SPATA6: variants seen among roughly 807,000 people sequenced by gnomAD.
SPATA6 encodes the protein spermatogenesis-associated protein 6.
A neutral mutation model predicts 65.3 loss-of-function variants in SPATA6; 56 were observed. The ratio of observed to expected loss-of-function variants is 0.86; its 90% CI spans 0.69 to 1.07. The LOEUF (loss-of-function observed/expected upper bound fraction) is 1.07. Ranked by LOEUF, SPATA6 falls within the 50% of genes least tolerant of loss-of-function variation. The pLI, the probability that SPATA6 is intolerant of heterozygous loss-of-function variation, is 0.00. For missense variants in SPATA6, 590 were observed against 594.8 expected, an observed-to-expected ratio of 0.99 and a Z score of 0.08; for synonymous variants, 199 against 213.2, an observed-to-expected ratio of 0.93 and a Z score of 0.58.
chr1:48,264,375 T>C, the SPATA6 span, among the ~76,000 whole-genome samples: 1 of 152,158 alleles, frequency 6.6e-6, no homozygotes, highest in East Asian at 1.9e-4. Context: ...TAAAAATCTT[T>C]TTTTGTTGTT....
intron 9 of SPATA6, among the ~76,000 whole-genome samples, chr1:48,385,098 G>T (rs1649319833): frequency 1.3e-5 from 2 of 151,912 alleles, no homozygotes; most frequent in Non-Finnish European, 2.9e-5. Flanking sequence ...TAATACAAAT[G>T]AATAACCAAA....
intron 12 of SPATA6, among the ~76,000 whole-genome samples, chr1:48,299,516 G>GAAAAA (rs58072004): frequency 0.38 from 14,368 of 37,994 alleles, 3,590 homozygotes; most frequent in Admixed American, 0.49. Context: ...CTCCGTCTCG[G>GAAAAA]AAAAAAAAAA....
chr1:48,435,273 T>C (rs1654797015), intron 3 of SPATA6, among the ~76,000 whole-genome samples: 1 of 152,140 alleles, frequency 6.6e-6, no homozygotes, highest in African/African-American at 2.4e-5. Context: ...AACTAAAGGA[T>C]TGTAAATGCA....
chr1:48,457,782 A>G (rs569833401), intron 1 of SPATA6, among the ~76,000 whole-genome samples: 3 of 152,204 alleles, frequency 2.0e-5, no homozygotes, highest in Non-Finnish European at 4.4e-5. Flanking sequence ...AGGATACTAG[A>G]CATAGGCTCA....
chr1:48,431,406 C>A (rs61417226), intron 3 of SPATA6, among the ~76,000 whole-genome samples: 4,007 of 152,100 alleles, frequency 0.026, 176 homozygotes, highest in African/African-American at 0.092. Flanking sequence ...AAAACACACA[C>A]ACAATAAACC....
rs146207578 is a variant in SPATA6, at chr1:48,441,050, G to C, written c.238+10502C>G. On this transcript the variant is annotated intron_variant, in intron 3 of 12. Transcript: ENST00000371847. ...TGGTTTGCAAGGACACCGTAAAAAA[G>C]ATTGTCCAACAAGAAACAAGCTGCC... 5.3e-5 allele frequency among the ~76,000 whole-genome samples: 8 copies of C among 152,274 alleles called. No homozygotes were observed. In the East Asian group the frequency reaches 1.5e-3, roughly 29 times the overall value.
intron 8 of SPATA6, 101 bp from the exon 9 acceptor site, chr1:48,385,450 T>A: frequency 1.0e-6 from 1 of 1,002,956 alleles, no homozygotes; most frequent in South Asian, 1.9e-5. Context: ...TCAGAATATT[T>A]CAGAGATACT....
At chr1:48,363,667 C>T (rs1454915867) in intron 9 of SPATA6, among the ~76,000 whole-genome samples, 1 of 151,036 alleles carries the variant, frequency 6.6e-6, no homozygotes, top group Non-Finnish European at 1.5e-5. Flanking sequence ...GCAATACTTT[C>T]AATATGGCAA....
intron 11 of SPATA6, among the ~76,000 whole-genome samples, chr1:48,311,561 CAAAAAAACTTAAATT>C (rs1337466507): frequency 1.8e-4 from 27 of 151,888 alleles, no homozygotes; most frequent in Non-Finnish European, 3.2e-4. Context: ...AATTAGTAAT[CAAAAAAACTTAAATT>C]AAAAAAACTT....
At chr1:48,419,670 G>C (rs1285625565) in intron 3 of SPATA6, among the ~76,000 whole-genome samples, 3 of 152,142 alleles carry the variant, frequency 2.0e-5, no homozygotes, top group East Asian at 3.9e-4. Flanking sequence ...TTTTAGGACA[G>C]AGCACAATAA....
intron 5 of SPATA6, among the ~76,000 whole-genome samples, chr1:48,407,246 C>T (rs1651794365): frequency 6.6e-6 from 1 of 152,150 alleles, no homozygotes; most frequent in Non-Finnish European, 1.5e-5. Flanking sequence ...ACTCCAGTCT[C>T]CCTTGGCTTT....
chr1:48,456,303 T>A (rs1265220908), intron 1 of SPATA6, among the ~76,000 whole-genome samples: 1 of 152,146 alleles, frequency 6.6e-6, no homozygotes, highest in Admixed American at 6.5e-5. Context: ...TGGCTACACA[T>A]GACAAAGATT....
chr1:48,328,411 T>G (rs72891579), intron 11 of SPATA6, among the ~76,000 whole-genome samples: 2,955 of 152,188 alleles, frequency 0.019, 75 homozygotes, highest in African/African-American at 0.067. Flanking sequence ...CTATACAATG[T>G]AATACCATCC....
At chr1:48,413,251 G>A in intron 3 of SPATA6, 100 bp from the exon 4 acceptor site, 2 of 418,316 alleles carry the variant, frequency 4.8e-6, no homozygotes, top group Non-Finnish European at 4.1e-6. Context: ...TAATCACTAG[G>A]TAGACTACAT....
intron 3 of SPATA6, among the ~76,000 whole-genome samples, chr1:48,442,018 A>T (rs527351936): frequency 6.6e-6 from 1 of 152,330 alleles, no homozygotes; most frequent in Non-Finnish European, 1.5e-5. Flanking sequence ...ATCGAGCATG[A>T]CTGCCAACAA....
intron 11 of SPATA6, among the ~76,000 whole-genome samples, chr1:48,315,395 T>C (rs1645379457): frequency 6.6e-6 from 1 of 151,474 alleles, no homozygotes; most frequent in Non-Finnish European, 1.5e-5. Flanking sequence ...CATACACAAA[T>C]CAATAAACAT....
intron 11 of SPATA6, among the ~76,000 whole-genome samples, chr1:48,332,130 G>T (rs1645933554): frequency 6.6e-6 from 1 of 152,186 alleles, no homozygotes; most frequent in African/African-American, 2.4e-5. Context: ...AAAAACGCAT[G>T]TAAGTACACA....
intron 11 of SPATA6, among the ~76,000 whole-genome samples, chr1:48,313,119 C>T (rs539576343): frequency 5.6e-4 from 86 of 152,252 alleles, no homozygotes; most frequent in African/African-American, 2.0e-3. Context: ...GAAAACACTC[C>T]ACAGGATATT....
chr1:48,360,317 T>A (rs750643834), intron 9 of SPATA6, among the ~76,000 whole-genome samples: 2 of 151,854 alleles, frequency 1.3e-5, no homozygotes, highest in Non-Finnish European at 2.9e-5. Context: ...AGAACTAGAA[T>A]AGAGTGTGTT....
Sources: allele counts gnomAD v4.1 joint callset (sites outside exome capture counted in the v4.1 genomes callset), GRCh38; gene constraint gnomAD v4.1.1; transcripts MANE v1.5; gene names NCBI Gene and HGNC (gene_info 2026-07-23, HGNC 2026-07-21).